Variants in CCDC22 observed in about 807,000 individuals in gnomAD.
CCDC22 encodes coiled-coil domain-containing protein 22.
CCDC22 carries 4 observed loss-of-function variants against 53.1 expected under a neutral mutation model. That is an observed-to-expected ratio of 0.08 (90% confidence interval 0.04 to 0.17). The LOEUF (loss-of-function observed/expected upper bound fraction) is 0.17, where lower values mean the gene tolerates loss of function less well. Among genes scored for constraint, CCDC22 ranks in the 10% least tolerant of loss-of-function variants. CCDC22 has a pLI of 1.00. For missense variants in CCDC22, 458 were observed against 554.0 expected, an observed-to-expected ratio of 0.83 and a Z score of 1.74; for synonymous variants, 222 against 224.4, an observed-to-expected ratio of 0.99 and a Z score of 0.10.
At position 49,246,872 on chromosome X, in the gene CCDC22, G is replaced by C. The variant is rs781889561; in HGVS notation, c.856G>C (p.Gly286Arg). 1 of 1,201,015 alleles carries C rather than the reference G, an allele frequency of 8.3e-7. No individual in the cohort carries two copies. ...LQAWGAGAKTGAPKGSRFTHS... is the reference protein window; with the variant it reads ...LQAWGAGAKTRAPKGSRFTHS... ...GGCCTGGGGTGCTGGGGCCAAGACTGGTGCTCCTAAGGGCTCCCGCTTCAC... is the reference window on the plus strand; with the variant it reads ...GGCCTGGGGTGCTGGGGCCAAGACTCGTGCTCCTAAGGGCTCCCGCTTCAC... Residue 286 changes from glycine to arginine, a missense_variant, in exon 7 of 17, where the codon GGT (glycine) becomes CGT (arginine). Physicochemically the swap from Gly to Arg is moderately radical, Grantham distance 125 (BLOSUM62 -2). This residue lies in a region of CCDC22 where 309 missense variants were observed against 312.3 expected (regional missense o/e 0.99). Transcript: ENST00000376227.
At chrX:49,238,784 G>C (rs913766264) in intron 2 of CCDC22, among the ~76,000 whole-genome samples, 3 of 111,188 alleles carry the variant, frequency 2.7e-5, no homozygotes, top group African/African-American at 6.5e-5. Context: ...GCCCAGGCTG[G>C]TCTTAAGCTC....
At chrX:49,246,117 T>C (rs2065988536) in intron 6 of CCDC22, among the ~76,000 whole-genome samples, 1 of 111,027 alleles carries the variant, frequency 9.0e-6, no homozygotes, top group Admixed American at 9.6e-5. Context: ...CCCAAGTAGC[T>C]GGAATTACAG....
chrX:49,244,250 CTCTG>C (rs201257258), intron 6 of CCDC22, among the ~76,000 whole-genome samples: 2,033 of 111,241 alleles, frequency 0.018, 44 homozygotes, highest in African/African-American at 0.061. Context: ...TCCTCTCTTG[CTCTG>C]TCTATCTATC....
chrX:49,241,979 C>G (rs1557113412), intron 2 of CCDC22, 37 bp from the exon 3 acceptor site: 3 of 1,206,454 alleles, frequency 2.5e-6, no homozygotes, highest in East Asian at 6.0e-5. Context: ...GCAGGAGGAC[C>G]CTGCCTGCTT....
At position 49,237,162 on chromosome X, in the gene CCDC22, C is replaced by T; in HGVS notation, c.127C>T (p.Arg43Cys). 8.3e-7 allele frequency: 1 copy of T among 1,211,654 alleles called. No individual in the cohort carries two copies. The highest frequency in any genetic ancestry group is 1.1e-6 in the Non-Finnish European group (1 of 895,115). Residue 43 changes from arginine (R) to cysteine (C), a missense_variant, in exon 2 of 17, where the codon CGT becomes TGT. This residue lies in a region of CCDC22 where 55 missense variants were observed against 106.0 expected (regional missense o/e 0.52). Coordinates refer to ENST00000376227, the MANE Select transcript of CCDC22 (RefSeq NM_014008.5). ...LVVEAVVRCL[R>C]VINPAVGSGL... is the part of the protein sequence containing the mutation. Reference sequence around the variant, plus strand: ...TGTAGAGGCTGTGGTCCGCTGCCTGCGTGTGATCAACCCTGCGGTGGGCTC... The same window carrying T: ...TGTAGAGGCTGTGGTCCGCTGCCTGTGTGTGATCAACCCTGCGGTGGGCTC...
intron 6 of CCDC22, among the ~76,000 whole-genome samples, chrX:49,245,482 C>T (rs2065984780): frequency 8.9e-6 from 1 of 111,848 alleles, no homozygotes; most frequent in African/African-American, 3.3e-5. Context: ...AAGTGATTCT[C>T]CTGCCTCAGC....
At chrX:49,249,615 G>GGGGGGGGGGGGGGGGGGGGT in intron 15 of CCDC22, 36 bp from the exon 16 acceptor site, 2 of 406,815 alleles carry the variant, frequency 4.9e-6, no homozygotes, top group Non-Finnish European at 9.0e-6. Flanking sequence ...GGGTGGGTGG[G>GGGGGGGGGGGGGGGGGGGGT]ACTGGGTGCA....
Position 49,246,846 on chromosome X carries a change from A to G in CCDC22, c.830A>G (p.Gln277Arg). 8.3e-7 allele frequency: 1 copy of G among 1,201,404 alleles called. No individual in the cohort carries two copies. The highest frequency in any genetic ancestry group is 1.1e-6 in the Non-Finnish European group (1 of 890,034). Residue 277 changes from glutamine (Q) to arginine (R), a missense_variant, in exon 7 of 17, where the codon CAG (glutamine) becomes CGG (arginine). Physicochemically the swap from Gln to Arg is conservative, Grantham distance 43 (BLOSUM62 1). Transcript: ENST00000376227. ...GCCCGGGACCTGGGAGAACTGCTGC[A>G]GGCCTGGGGTGCTGGGGCCAAGACT... ...IQARDLGELL[Q>R]AWGAGAKTGA...
intron 2 of CCDC22, among the ~76,000 whole-genome samples, 166 bp downstream of exon 2, chrX:49,237,429 A>T (rs1204062143): frequency 8.9e-6 from 1 of 112,298 alleles, no homozygotes; most frequent in Non-Finnish European, 1.9e-5. Flanking sequence ...TTAGTGGTTA[A>T]GGCTGCTGAC....
rs1557115189 is a variant in CCDC22 at position 49,250,156 on chromosome X, A to G, written c.1779A>G (p.Thr593=). ...TGTTCACATTGCCTCAGATCGAGAC[A>G]GAGCTGGGCAAGAAGACCCTCAGCA... ...EVRDLEEQIE[T]ELGKKTLSNL... Residue 593 remains threonine (T), a synonymous_variant, in exon 17 of 17, where the codon ACA becomes ACG. Coordinates refer to ENST00000376227, the MANE Select transcript of CCDC22 (RefSeq NM_014008.5). 2 of 1,145,722 alleles carry G rather than the reference A, an allele frequency of 1.7e-6. No homozygotes were observed. The highest frequency in any genetic ancestry group is 2.3e-6 in the Non-Finnish European group (2 of 852,573). The allele number at this position is 1,145,722 out of a possible 1,213,427, so 94.4% of individuals were successfully genotyped here.
At chrX:49,243,248 T>C in intron 5 of CCDC22, 36 bp from the exon 6 acceptor site, 2 of 1,199,225 alleles carry the variant, frequency 1.7e-6, no homozygotes, top group Non-Finnish European at 2.3e-6. Flanking sequence ...AGCGTTGCCA[T>C]GCGGCAGGGC....
intron 5 of CCDC22, 25 bp from the exon 6 acceptor site, chrX:49,243,259 C>T (rs1557113673): frequency 8.3e-7 from 1 of 1,199,075 alleles, no homozygotes; most frequent in Non-Finnish European, 1.1e-6. Context: ...GCGGCAGGGC[C>T]AGCTGACTCT....
At chrX:49,238,209 T>G (rs949107109) in intron 2 of CCDC22, among the ~76,000 whole-genome samples, 1 of 109,526 alleles carries the variant, frequency 9.1e-6, no homozygotes, top group Non-Finnish European at 1.9e-5. Context: ...GCCTCCCGAG[T>G]AGCTGGGACT....
chrX:49,243,348 T>G lies in CCDC22; in HGVS notation c.600T>G (p.Val200=), dbSNP rs782262499. 1.7e-5 allele frequency: 20 copies of G among 1,203,156 alleles called. No individual in the cohort carries two copies. In the African/African-American group the frequency reaches 3.1e-4, roughly 19 times the overall value. ...LPVPTQVPQP[V]GRVASLLEHH... is the part of the protein sequence containing the mutation. Reference sequence around the variant, plus strand: ...TCCCTACCCAGGTGCCTCAGCCTGTTGGAAGGGTGGCCTCGCTCCTCGAAC... The same window carrying G: ...TCCCTACCCAGGTGCCTCAGCCTGTGGGAAGGGTGGCCTCGCTCCTCGAAC... Residue 200 remains valine (V), a synonymous_variant, in exon 6 of 17, where the codon GTT becomes GTG. Transcript: ENST00000376227.
At chrX:49,245,504 C>A (rs781904585) in intron 6 of CCDC22, among the ~76,000 whole-genome samples, 8 of 111,411 alleles carry the variant, frequency 7.2e-5, no homozygotes, top group African/African-American at 2.6e-4. Flanking sequence ...TCCCACATAG[C>A]TAGGACTACA....
At position 49,242,065 on chromosome X, in the gene CCDC22, G is replaced by A. The variant is rs1557113429; in HGVS notation, c.278G>A (p.Ser93Asn). 6.6e-6 allele frequency: 8 copies of A among 1,208,515 alleles called. No individual in the cohort carries two copies. In the South Asian group the frequency reaches 1.2e-4, roughly 19 times the overall value. Residue 93 changes from serine to asparagine, a missense_variant, in exon 3 of 17, where the codon AGT becomes AAT. By Grantham distance (46) the Ser-to-Asn change is conservative. Around this residue, in one of 4 missense-constraint regions of CCDC22, gnomAD observed 55 missense variants for 106.0 expected, o/e 0.52. Transcript: ENST00000376227. ...ELGYQNFLYP[S>N]EPDLRDLLLF... ...GGCTATCAGAACTTCCTCTACCCCA[G>A]TGAGCCTGACCTCCGAGACCTGCTT...
chrX:49,248,996 C>T, intron 13 of CCDC22, 72 bp downstream of exon 13: 1 of 1,165,186 alleles, frequency 8.6e-7, no homozygotes, highest in Non-Finnish European at 1.2e-6. Flanking sequence ...AGGGACCTCA[C>T]ACCCTCAGGC....
chrX:49,236,163 C>T (rs2065937088), intron 1 of CCDC22, among the ~76,000 whole-genome samples: 1 of 107,477 alleles, frequency 9.3e-6, no homozygotes, highest in Admixed American at 1.0e-4. Flanking sequence ...CTTCAAACTC[C>T]AGTTCCCCAA....
chrX:49,238,999 C>CT (rs1228839720), intron 2 of CCDC22, among the ~76,000 whole-genome samples: 49 of 104,919 alleles, frequency 4.7e-4, no homozygotes, highest in African/African-American at 7.2e-4. Flanking sequence ...TTGGGCCAGT[C>CT]TTTTTTTTTT....
Sources: gnomAD v4.1 joint callset for allele counts (sites outside exome capture counted in the v4.1 genomes callset) on GRCh38, gnomAD v4.1.1 for gene constraint, gnomAD v4.1.1 regional missense constraint, MANE v1.5 for transcripts, NCBI Gene and HGNC (gene_info 2026-07-23, HGNC 2026-07-21) for gene names.